Variants in TEAD1 observed in about 807,000 individuals in gnomAD.
TEAD1 encodes transcriptional enhancer factor TEF-1.
TEAD1 carries 9 observed loss-of-function variants against 54.9 expected under a neutral mutation model. The ratio of observed to expected loss-of-function variants is 0.16; its 90% confidence interval spans 0.10 to 0.29. The LOEUF (loss-of-function observed/expected upper bound fraction) is 0.29. TEAD1 is among the 10% of genes least tolerant of loss of function. The pLI is 1.00. For synonymous variants in TEAD1, 200 were observed against 187.8 expected (o/e 1.07, Z -0.53); for missense variants, 387 against 535.9 (o/e 0.72, Z 2.74).
At chr11:12,894,899 T>G (rs1198410707) in intron 9 of TEAD1, among the ~76,000 whole-genome samples, 1 of 152,224 alleles carries the variant, frequency 6.6e-6, no homozygotes. Flanking sequence ...TTAATATTCT[T>G]GACACTCCAG....
At chr11:12,832,631 C>G (rs2134019622) in intron 3 of TEAD1, among the ~76,000 whole-genome samples, 1 of 152,334 alleles carries the variant, frequency 6.6e-6, no homozygotes, top group East Asian at 1.9e-4. Context: ...CTTTTGCACT[C>G]TATTAAAATT....
chr11:12,850,269 C>T (rs1010641061), intron 3 of TEAD1, among the ~76,000 whole-genome samples: 2 of 152,130 alleles, frequency 1.3e-5, no homozygotes, highest in African/African-American at 4.8e-5. Context: ...AACTCTGTCT[C>T]TACTAAATAA....
chr11:12,712,389 T>C (rs1214408535), intron 2 of TEAD1, among the ~76,000 whole-genome samples: 1 of 152,222 alleles, frequency 6.6e-6, no homozygotes, highest in Non-Finnish European at 1.5e-5. Context: ...CCTACACAGC[T>C]TCACCTGCTA....
At chr11:12,878,633 G>GT (rs5789751) in intron 5 of TEAD1, among the ~76,000 whole-genome samples, 80,385 of 151,286 alleles carry the variant, frequency 0.53, 22,227 homozygotes, top group East Asian at 0.94. Flanking sequence ...TTGAGGGGTA[G>GT]TTTTTTATTG....
chr11:12,840,256 AAAAAAAG>A lies in TEAD1; in HGVS notation c.203-21987_203-21981del, dbSNP rs1484474902. On this transcript the variant is annotated intron_variant, in intron 3 of 12. Transcript: ENST00000527636. ...AGCGAGACTCTGCCTCAAAAAAAAA[AAAAAAAG>A]AAAAAAAAAAGACCAGAAACGAAAT... Among the ~76,000 whole-genome samples, 122 of 19,078 alleles carry A rather than the reference AAAAAAAG, an allele frequency of 6.4e-3. 4 individuals carry two copies. The highest frequency in any genetic ancestry group is 0.013 in the African/African-American group (109 of 8,650). 12.5% of individuals were successfully genotyped at this position (19,078 alleles called of 152,430 possible). A position where few individuals can be genotyped will look rare whatever the true frequency, so the allele number is the denominator to read the frequency against.
At chr11:12,700,646 T>C (rs1447041891) in intron 2 of TEAD1, among the ~76,000 whole-genome samples, 1 of 152,202 alleles carries the variant, frequency 6.6e-6, no homozygotes, top group Non-Finnish European at 1.5e-5. Context: ...GCTTCTTAAC[T>C]CTCATTTATT....
chr11:12,904,899 G>A (rs76875408), intron 10 of TEAD1: 5,084 of 347,732 alleles, frequency 0.015, 59 homozygotes, highest in South Asian at 0.021. Context: ...ACCCAGGAAA[G>A]GCGTCTCCTG....
At chr11:12,719,585 G>GA (rs1944139251) in intron 2 of TEAD1, among the ~76,000 whole-genome samples, 8 of 137,190 alleles carry the variant, frequency 5.8e-5, no homozygotes, top group African/African-American at 2.2e-4. Flanking sequence ...GGGGGGAGGG[G>GA]GGGCGGGGGG....
At chr11:12,800,133 G>C (rs1449426952) in intron 3 of TEAD1, among the ~76,000 whole-genome samples, 1 of 152,146 alleles carries the variant, frequency 6.6e-6, no homozygotes. Flanking sequence ...GCTTTGAGGA[G>C]AGATTAGAAG....
intron 3 of TEAD1, among the ~76,000 whole-genome samples, chr11:12,842,368 A>C (rs1947059296): frequency 6.6e-6 from 1 of 152,192 alleles, no homozygotes; most frequent in African/African-American, 2.4e-5. Flanking sequence ...ACCTGGAAAC[A>C]GGAAGTTGAG....
intron 3 of TEAD1, among the ~76,000 whole-genome samples, chr11:12,776,683 A>G (rs1012888671): frequency 9.9e-5 from 15 of 151,328 alleles, no homozygotes; most frequent in Non-Finnish European, 5.9e-5. Flanking sequence ...CTGTCTGCCT[A>G]CCTTCCCTTT....
chr11:12,922,847 T>C (rs1948834426), intron 10 of TEAD1: 1 of 138,028 alleles, frequency 7.2e-6, no homozygotes, highest in African/African-American at 2.7e-5. Flanking sequence ...GAGAATCCAC[T>C]GAACCTGGGA....
chr11:12,777,291 G>T (rs1590140296), intron 3 of TEAD1, among the ~76,000 whole-genome samples: 1 of 152,246 alleles, frequency 6.6e-6, no homozygotes, highest in South Asian at 2.1e-4. Context: ...TACAGCTTCT[G>T]GGGTAATATT....
intron 3 of TEAD1, among the ~76,000 whole-genome samples, chr11:12,809,195 G>C (rs1256555422): frequency 6.6e-6 from 1 of 152,330 alleles, no homozygotes; most frequent in African/African-American, 2.4e-5. Flanking sequence ...AGGCTTTGAA[G>C]GGAGAGCAGT....
intron 3 of TEAD1, among the ~76,000 whole-genome samples, chr11:12,799,129 A>G (rs1232391484): frequency 1.3e-5 from 2 of 152,266 alleles, no homozygotes; most frequent in East Asian, 3.8e-4. Flanking sequence ...ATACATGTTT[A>G]TCATCATTTG....
At chr11:12,843,970 C>T (rs1947090920) in intron 3 of TEAD1, among the ~76,000 whole-genome samples, 1 of 152,148 alleles carries the variant, frequency 6.6e-6, no homozygotes. Flanking sequence ...TTATAAATTA[C>T]CTTGTTGCTT....
At chr11:12,794,159 CT>C (rs1286100570) in intron 3 of TEAD1, among the ~76,000 whole-genome samples, 6 of 152,220 alleles carry the variant, frequency 3.9e-5, no homozygotes, top group Non-Finnish European at 2.9e-5. Context: ...TAGGTATGAG[CT>C]GTGTAACCCT....
intron 9 of TEAD1, among the ~76,000 whole-genome samples, chr11:12,885,461 T>G (rs949597801): frequency 6.6e-6 from 1 of 152,024 alleles, no homozygotes; most frequent in Non-Finnish European, 1.5e-5. Flanking sequence ...GTGGTCTCGA[T>G]CTCCTGACCT....
chr11:12,725,001 T>C (rs1944286340), intron 2 of TEAD1, among the ~76,000 whole-genome samples: 1 of 152,170 alleles, frequency 6.6e-6, no homozygotes, highest in African/African-American at 2.4e-5. Flanking sequence ...GGAGTACACA[T>C]GGGATTCCTC....
Sources: allele counts gnomAD v4.1 joint callset (sites outside exome capture counted in the v4.1 genomes callset), GRCh38; gene constraint gnomAD v4.1.1; transcripts MANE v1.5; gene names NCBI Gene and HGNC (gene_info 2026-07-23, HGNC 2026-07-21).